PALM2AKAP2: variants seen among roughly 807,000 people sequenced by gnomAD.
PALM2AKAP2 encodes the protein PALM2-AKAP2 fusion protein.
Under a neutral mutation model 71.5 loss-of-function variants are expected in PALM2AKAP2, and 37 were observed. That is an observed-to-expected ratio of 0.52 (90% CI 0.40 to 0.68). The LOEUF (loss-of-function observed/expected upper bound fraction) is 0.68, where lower values mean the gene tolerates loss of function less well. Ranked by LOEUF, PALM2AKAP2 falls within the 30% of genes least tolerant of loss-of-function variation. The pLI, the probability that PALM2AKAP2 is intolerant of heterozygous loss-of-function variation, is 0.00. For missense variants in PALM2AKAP2, 1,224 were observed against 1,191.8 expected (o/e 1.03, Z -0.40); for synonymous variants, 468 against 478.8 (o/e 0.98, Z 0.29).
At chr9:110,012,129 C>G (rs1015335792) in intron 6 of PALM2AKAP2, among the ~76,000 whole-genome samples, 3 of 151,982 alleles carry the variant, frequency 2.0e-5, no homozygotes, top group African/African-American at 7.3e-5. Context: ...CCTGTTTCTA[C>G]TAAAATTACA....
At chr9:109,750,469 C>A (rs1271778397) in intron 1 of PALM2AKAP2, among the ~76,000 whole-genome samples, 1 of 152,020 alleles carries the variant, frequency 6.6e-6, no homozygotes, top group East Asian at 1.9e-4. Context: ...TTAAAAAAAT[C>A]ATGCAATGCT....
At chr9:110,149,395 T>C (rs1339243910) in intron 2 of PALM2AKAP2, among the ~76,000 whole-genome samples, 2 of 152,210 alleles carry the variant, frequency 1.3e-5, no homozygotes, top group African/African-American at 4.8e-5. Flanking sequence ...AGCAAGCAGG[T>C]TTACCTGCTT....
chr9:109,773,188 T>G (rs1406810573), intron 1 of PALM2AKAP2, among the ~76,000 whole-genome samples: 1 of 152,024 alleles, frequency 6.6e-6, no homozygotes, highest in East Asian at 1.9e-4. Context: ...CAGGTTGGAG[T>G]GCAGTGGCAC....
intron 6 of PALM2AKAP2, among the ~76,000 whole-genome samples, chr9:109,934,148 C>G (rs1180213079): frequency 6.6e-6 from 1 of 152,156 alleles, no homozygotes; most frequent in African/African-American, 2.4e-5. Flanking sequence ...GACATCTATT[C>G]CAATCCTTTA....
chr9:109,788,984 C>T (rs969085987), intron 1 of PALM2AKAP2, among the ~76,000 whole-genome samples: 42 of 152,334 alleles, frequency 2.8e-4, no homozygotes, highest in African/African-American at 9.1e-4. Flanking sequence ...GAGGTCTTTG[C>T]TTATCTCGGG....
intron 1 of PALM2AKAP2, among the ~76,000 whole-genome samples, chr9:109,752,477 G>C (rs1255380084): frequency 1.3e-5 from 2 of 152,122 alleles, no homozygotes; most frequent in Non-Finnish European, 2.9e-5. Context: ...ACTTGACATG[G>C]GAAAAGAGAA....
At chr9:110,092,354 A>G (rs1366472237) in intron 1 of PALM2AKAP2, among the ~76,000 whole-genome samples, 1 of 152,182 alleles carries the variant, frequency 6.6e-6, no homozygotes, top group Non-Finnish European at 1.5e-5. Flanking sequence ...GTAAGATCTG[A>G]TTGACTTATC....
chr9:109,816,554 A>G (rs2131467225), intron 1 of PALM2AKAP2, among the ~76,000 whole-genome samples: 1 of 152,320 alleles, frequency 6.6e-6, no homozygotes, highest in Admixed American at 6.5e-5. Flanking sequence ...TTCAGCCCTG[A>G]GTGCAGATCG....
intron 6 of PALM2AKAP2, among the ~76,000 whole-genome samples, chr9:109,968,723 A>G (rs1832004002): frequency 6.6e-6 from 1 of 152,182 alleles, no homozygotes; most frequent in Non-Finnish European, 1.5e-5. Flanking sequence ...GGAAGCCCTA[A>G]GGAGTCCAGC....
rs201787659 is a variant in PALM2AKAP2, at chr9:109,751,627, C to T, written c.6-28861C>T. Among the ~76,000 whole-genome samples, 10 of 152,220 alleles carry T rather than the reference C, an allele frequency of 6.6e-5. No individual in the cohort carries two copies. In the East Asian group the frequency reaches 9.7e-4, roughly 15 times the overall value. ...CTTCTTCCATGTGGTTGGAGTTTTGCAGCAGTTTGAGTAACAGTTCAATCA... is the reference window on the plus strand; with the variant it reads ...CTTCTTCCATGTGGTTGGAGTTTTGTAGCAGTTTGAGTAACAGTTCAATCA... On this transcript the variant is annotated intron_variant, in intron 1 of 6. Transcript: ENST00000374531.
At chr9:109,871,111 G>C (rs1829592800) in intron 2 of PALM2AKAP2, among the ~76,000 whole-genome samples, 1 of 152,150 alleles carries the variant, frequency 6.6e-6, no homozygotes. Flanking sequence ...AGATTCACCT[G>C]TCTGTGGTCA....
At chr9:109,911,925 A>G (rs1459189128) in intron 3 of PALM2AKAP2, among the ~76,000 whole-genome samples, 1 of 152,204 alleles carries the variant, frequency 6.6e-6, no homozygotes, top group East Asian at 1.9e-4. Flanking sequence ...CAAAAGTTAG[A>G]AATGCTGTGG....
chr9:109,694,010 G>T (rs547893099), intron 1 of PALM2AKAP2, among the ~76,000 whole-genome samples: 36 of 151,772 alleles, frequency 2.4e-4, no homozygotes, highest in Admixed American at 1.3e-4. Context: ...TCTTTACTTG[G>T]CTTGTTTTCT....
At chr9:110,053,190 G>A (rs1411454258) in intron 1 of PALM2AKAP2, among the ~76,000 whole-genome samples, 1 of 152,094 alleles carries the variant, frequency 6.6e-6, no homozygotes, top group East Asian at 1.9e-4. Flanking sequence ...GGAGGACCAG[G>A]GCTACCAGTC....
chr9:109,648,774 C>A (rs1827186251), intron 1 of PALM2AKAP2, among the ~76,000 whole-genome samples: 1 of 152,122 alleles, frequency 6.6e-6, no homozygotes, highest in Admixed American at 6.5e-5. Flanking sequence ...TCAATGACAT[C>A]CTCTTTTTTG....
Position 109,655,686 on chromosome 9 carries a change from T to A in PALM2AKAP2, c.5+14820T>A, listed in dbSNP as rs562400703. Among the ~76,000 whole-genome samples, 8 of 152,188 alleles carry A rather than the reference T, an allele frequency of 5.3e-5. 1 individual carries two copies. The highest frequency in any genetic ancestry group is 1.7e-4 in the African/African-American group (7 of 41,504). ...GCCCCATATATGTAGAATCAAACAC[T>A]ATTTATTCTTTTGTGTCTGGATAAT... is the stretch of plus-strand genomic sequence containing the variant. On this transcript the variant is annotated intron_variant, in intron 1 of 6. Coordinates refer to the PALM2AKAP2 transcript ENST00000374531.
At chr9:110,148,518 C>T (rs187779746) in intron 2 of PALM2AKAP2, 7 of 152,274 alleles carry the variant, frequency 4.6e-5, no homozygotes, top group Admixed American at 2.0e-4. Context: ...CGCACAAGTC[C>T]GTGCACTCTG....
chr9:109,906,852 T>A (rs1587999335), intron 3 of PALM2AKAP2, among the ~76,000 whole-genome samples: 1 of 152,338 alleles, frequency 6.6e-6, no homozygotes, highest in East Asian at 1.9e-4. Flanking sequence ...GGCTTTCTGT[T>A]ACTTTCCGAA....
chr9:109,891,851 A>G (rs976985843), intron 3 of PALM2AKAP2, among the ~76,000 whole-genome samples: 19 of 152,148 alleles, frequency 1.2e-4, no homozygotes, highest in African/African-American at 3.9e-4. Context: ...GAAAGGGTCT[A>G]TGGGTGCATA....
Sources: allele counts gnomAD v4.1 joint callset (sites outside exome capture counted in the v4.1 genomes callset), GRCh38; gene constraint gnomAD v4.1.1; transcripts MANE v1.5; gene names NCBI Gene and HGNC (gene_info 2026-07-23, HGNC 2026-07-21).